The following TOMM20 variants were observed in gnomAD, a reference collection of about 807,000 sequenced individuals.
TOMM20 encodes translocase of outer mitochondrial membrane 20.
Under a neutral mutation model 22.1 loss-of-function variants are expected in TOMM20, and 10 were observed. The observed-to-expected ratio is 0.45, with a 90% CI of 0.28 to 0.77. The LOEUF (loss-of-function observed/expected upper bound fraction) is 0.77, where lower values mean the gene tolerates loss of function less well. Ranked by LOEUF, TOMM20 falls within the 30% of genes least tolerant of loss-of-function variation. The pLI is 0.13. For synonymous variants in TOMM20, 55 were observed against 61.4 expected, an observed-to-expected ratio of 0.90 and a Z score of 0.49; for missense variants, 121 against 172.2, an observed-to-expected ratio of 0.70 and a Z score of 1.66.
At chr1:235,115,310 A>C (rs1660811516) in intron 3 of TOMM20, among the ~76,000 whole-genome samples, 5 of 152,166 alleles carry the variant, frequency 3.3e-5, no homozygotes, top group Admixed American at 3.3e-4. Flanking sequence ...GCCTTACATA[A>C]AAATAACTCC....
In TOMM20 at chr1:235,116,262, G is replaced by A. The variant is rs185804692; in HGVS notation, c.251-2352C>T. On this transcript the variant is annotated intron_variant, in intron 3 of 4. Coordinates refer to ENST00000366607, the MANE Select transcript of TOMM20 (RefSeq NM_014765.3). ...CTACTAAAAATACAAAAATTAGGCC[G>A]GGGTGTGGTGGTTCACGCCTGTAAT... Among the ~76,000 whole-genome samples the A allele has an allele frequency of 4.6e-5, 7 of 151,742 alleles. No individual in the cohort carries two copies. In the East Asian group the frequency reaches 5.8e-4, roughly 13 times the overall value.
At chr1:235,112,284 A>C (rs368502541) in intron 4 of TOMM20, among the ~76,000 whole-genome samples, 176 bp from the exon 5 acceptor site, 1 of 152,230 alleles carries the variant, frequency 6.6e-6, no homozygotes, top group South Asian at 2.1e-4. Flanking sequence ...GAAAACAATG[A>C]TCATACTACT....
intron 3 of TOMM20, among the ~76,000 whole-genome samples, chr1:235,118,877 A>T (rs1189378963): frequency 6.6e-6 from 1 of 152,058 alleles, no homozygotes; most frequent in Non-Finnish European, 1.5e-5. Flanking sequence ...GAGTACTGTG[A>T]CTCTTTAGGT....
chr1:235,115,812 T>C (rs1660818647), intron 3 of TOMM20, among the ~76,000 whole-genome samples: 1 of 152,140 alleles, frequency 6.6e-6, no homozygotes, highest in Non-Finnish European at 1.5e-5. Flanking sequence ...CAAAGGCAGG[T>C]TTGCAACATT....
chr1:235,116,811 C>T (rs1425121777), intron 3 of TOMM20, among the ~76,000 whole-genome samples: 2 of 152,024 alleles, frequency 1.3e-5, no homozygotes, highest in African/African-American at 2.4e-5. Context: ...CAATTTCCCA[C>T]GATATAAATT....
At chr1:235,116,559 C>A (rs1251533248) in intron 3 of TOMM20, among the ~76,000 whole-genome samples, 3 of 147,294 alleles carry the variant, frequency 2.0e-5, no homozygotes, top group African/African-American at 7.6e-5. Context: ...ATTAGCTGAG[C>A]CTGGTGGCAC....
intron 2 of TOMM20, among the ~76,000 whole-genome samples, chr1:235,121,512 C>G (rs1197783466): frequency 1.3e-5 from 2 of 152,204 alleles, no homozygotes; most frequent in Non-Finnish European, 2.9e-5. Flanking sequence ...GTAGTTTCCT[C>G]CCATTTTCAC....
chr1:235,117,315 G>A (rs537317473), intron 3 of TOMM20, among the ~76,000 whole-genome samples: 5 of 151,218 alleles, frequency 3.3e-5, no homozygotes, highest in East Asian at 1.9e-4. Flanking sequence ...AAAATTAGCC[G>A]GGCTTGGTGG....
intron 3 of TOMM20, among the ~76,000 whole-genome samples, chr1:235,115,448 G>A (rs1468511091): frequency 6.6e-6 from 1 of 151,952 alleles, no homozygotes; most frequent in Non-Finnish European, 1.5e-5. Context: ...CTGACATGGT[G>A]AAACCCTACT....
intron 3 of TOMM20, among the ~76,000 whole-genome samples, chr1:235,114,312 T>A (rs1188775454): frequency 6.6e-6 from 1 of 152,166 alleles, no homozygotes. Context: ...TTTGTACTAT[T>A]TGAATGGTAT....
Position 235,109,991 on chromosome 1 carries a change from G to GA in TOMM20, c.*2072dup, listed in dbSNP as rs1195024341. The GA allele has an allele frequency of 2.6e-5, 4 of 152,104 alleles. No homozygotes were observed. Among genetic ancestry groups the GA allele is most frequent in the Non-Finnish European group, 5.9e-5 (4 of 68,030 alleles). 9.4% of individuals were successfully genotyped at this position (152,104 alleles called of 1,614,324 possible). On this transcript the variant is annotated 3_prime_UTR_variant, in exon 5 of 5. Transcript: ENST00000366607. ...GTGTTTGGCAATTACATTTCTGGGA[G>GA]AAAAAACTGCTGATTTTTTCTTTAA...
In TOMM20 at chr1:235,116,938, A is replaced by G. The variant is rs547186047; in HGVS notation, c.250+2880T>C. 9.3e-5 allele frequency among the ~76,000 whole-genome samples: 14 copies of G among 150,718 alleles called. No homozygotes were observed. In the East Asian group the frequency reaches 1.6e-3, roughly 17 times the overall value. ...ATCACAAGGTCAGGAGATCGAGACC[A>G]TCCTGGCTAACATGGTGAAACCCCG... is the stretch of plus-strand genomic sequence containing the variant. On this transcript the variant is annotated intron_variant, in intron 3 of 4. Transcript: ENST00000366607.
At chr1:235,120,230 T>C (rs1003543164) in intron 2 of TOMM20, among the ~76,000 whole-genome samples, 4 of 152,176 alleles carry the variant, frequency 2.6e-5, no homozygotes, top group Non-Finnish European at 5.9e-5. Flanking sequence ...TGTAAGCAAT[T>C]TGTCCTTATG....
chr1:235,120,869 C>CA (rs752792267), intron 2 of TOMM20, among the ~76,000 whole-genome samples: 31,755 of 100,036 alleles, frequency 0.32, 6,325 homozygotes, highest in African/African-American at 0.56. Flanking sequence ...GACCCTGTCT[C>CA]AAAAAAAAAA....
At chr1:235,126,067 TTAGA>T (rs750628138) in intron 1 of TOMM20, among the ~76,000 whole-genome samples, 76 of 148,010 alleles carry the variant, frequency 5.1e-4, no homozygotes, top group East Asian at 1.4e-3. Context: ...ATAGATTAGA[TTAGA>T]TAGATAGATA....
intron 1 of TOMM20, among the ~76,000 whole-genome samples, chr1:235,125,524 T>C (rs954781796): frequency 6.6e-5 from 10 of 151,954 alleles, no homozygotes; most frequent in Admixed American, 6.6e-5. Flanking sequence ...CGCCTAAGTC[T>C]CTCTTCTTAA....
At chr1:235,115,891 A>G (rs1381365744) in intron 3 of TOMM20, among the ~76,000 whole-genome samples, 1 of 152,184 alleles carries the variant, frequency 6.6e-6, no homozygotes, top group African/African-American at 2.4e-5. Flanking sequence ...CCTTAAATTC[A>G]GGGCTCCTCT....
rs2102806070 is a variant in TOMM20 at position 235,110,629 on chromosome 1, G to C, written c.*1435C>G. ...GATGAAATGTGATTTGTTCAAGGCTGTGCGGCTAATCAGAGGCAGAAACTA... is the reference window on the plus strand; with the variant it reads ...GATGAAATGTGATTTGTTCAAGGCTCTGCGGCTAATCAGAGGCAGAAACTA... On this transcript the variant is annotated 3_prime_UTR_variant, in exon 5 of 5. Transcript: ENST00000366607. 1 of 152,322 alleles carries C rather than the reference G, an allele frequency of 6.6e-6. No homozygotes were observed. The highest frequency in any genetic ancestry group is 1.5e-5 in the Non-Finnish European group (1 of 68,038). 9.4% of individuals were successfully genotyped at this position (152,322 alleles called of 1,614,324 possible). A position where few individuals can be genotyped will look rare whatever the true frequency, so the allele number is the denominator to read the frequency against.
chr1:235,123,050 G>C (rs934899006), intron 1 of TOMM20, among the ~76,000 whole-genome samples: 3 of 152,176 alleles, frequency 2.0e-5, no homozygotes, highest in Non-Finnish European at 4.4e-5. Flanking sequence ...CTTATTAGCT[G>C]GGTGATCTTA....
Sources: gnomAD v4.1 joint callset for allele counts (sites outside exome capture counted in the v4.1 genomes callset) on GRCh38, gnomAD v4.1.1 for gene constraint, MANE v1.5 for transcripts, NCBI Gene and HGNC (gene_info 2026-07-23, HGNC 2026-07-21) for gene names.